PLXNA4: variants seen among roughly 807,000 people sequenced by gnomAD.
The protein encoded by PLXNA4 is plexin A4, also known as plexin-A4.
Under a neutral mutation model 191.8 loss-of-function variants are expected in PLXNA4, and 44 were observed. The ratio of observed to expected loss-of-function variants is 0.23; its 90% CI spans 0.18 to 0.29. The LOEUF is 0.29. PLXNA4 is among the 10% of genes least tolerant of loss of function. The pLI is 1.00. For synonymous variants in PLXNA4, 1,082 were observed against 1,009.5 expected (o/e 1.07, Z -1.36); for missense variants, 1,800 against 2,488.8 (o/e 0.72, Z 5.89).
chr7:132,151,867 C>T (rs1399092), intron 25 of PLXNA4, among the ~76,000 whole-genome samples: 130,846 of 152,056 alleles, frequency 0.86, 56,575 homozygotes, highest in African/African-American at 0.9. Context: ...TTCCCTGGCA[C>T]AGAATAATTC....
intron 1 of PLXNA4, among the ~76,000 whole-genome samples, chr7:132,563,811 CCTCCTT>C: frequency 3.4e-5 from 3 of 88,306 alleles, no homozygotes; most frequent in African/African-American, 7.9e-5. Flanking sequence ...TCCTTCTCCT[CCTCCTT>C]CTCCTCCTCC....
intron 2 of PLXNA4, among the ~76,000 whole-genome samples, chr7:132,592,883 G>A (rs969233117): frequency 1.2e-4 from 18 of 147,922 alleles, no homozygotes; most frequent in East Asian, 2.0e-4. Flanking sequence ...AAAAAAACCC[G>A]AAGACCTTGT....
At chr7:132,176,568 G>A (rs1376962117) in intron 20 of PLXNA4, among the ~76,000 whole-genome samples, 1 of 151,746 alleles carries the variant, frequency 6.6e-6, no homozygotes, top group Non-Finnish European at 1.5e-5. Flanking sequence ...ATGTCAGGGA[G>A]TGTGTGAGTA....
intron 2 of PLXNA4, among the ~76,000 whole-genome samples, chr7:132,626,815 T>G (rs981793438): frequency 6.6e-6 from 1 of 152,160 alleles, no homozygotes. Context: ...TCAAGGTGCA[T>G]GCATCTCAGC....
chr7:132,255,766 A>G (rs10255203), intron 4 of PLXNA4, among the ~76,000 whole-genome samples: 32,012 of 152,146 alleles, frequency 0.21, 3,579 homozygotes, highest in Non-Finnish European at 0.23. Context: ...GAACTTTCCA[A>G]CCAGTTCCCT....
intron 3 of PLXNA4, among the ~76,000 whole-genome samples, chr7:132,463,688 C>T (rs950728089): frequency 6.6e-6 from 1 of 152,198 alleles, no homozygotes; most frequent in African/African-American, 2.4e-5. Context: ...TTCCCTCTGG[C>T]TTACGGGGAC....
chr7:132,161,159 C>A (rs1432614392), intron 24 of PLXNA4, among the ~76,000 whole-genome samples: 1 of 152,210 alleles, frequency 6.6e-6, no homozygotes, highest in Non-Finnish European at 1.5e-5. Flanking sequence ...CCTGGTGGGG[C>A]AGCTCAGCCT....
rs770940374 is a variant in PLXNA4, at chr7:132,210,914, T to G, written c.2298+29A>C. On this transcript the variant is annotated intron_variant, in intron 10 of 31. Coordinates refer to ENST00000321063, the MANE Select transcript of PLXNA4 (RefSeq NM_020911.2). ...GATGTGGGTGGGACTGGGGCCTGGTTTGGCAGTGGGCAGGGTTGGGCGACT... is the reference window on the plus strand; with the variant it reads ...GATGTGGGTGGGACTGGGGCCTGGTGTGGCAGTGGGCAGGGTTGGGCGACT... 1.5e-5 allele frequency: 24 copies of G among 1,601,086 alleles called. No homozygotes were observed. In the East Asian group the frequency reaches 1.8e-4, roughly 12 times the overall value.
At chr7:132,319,601 G>A (rs1296115072) in intron 3 of PLXNA4, among the ~76,000 whole-genome samples, 3 of 152,166 alleles carry the variant, frequency 2.0e-5, no homozygotes. Context: ...CATTGCCGCT[G>A]CACTCCTCTA....
chr7:132,295,529 G>A (rs1801043881), intron 4 of PLXNA4, among the ~76,000 whole-genome samples: 1 of 152,134 alleles, frequency 6.6e-6, no homozygotes, highest in Admixed American at 6.5e-5. Flanking sequence ...AAGGAGGCTG[G>A]AATTAGTCTT....
chr7:132,336,836 T>C (rs1802837780), intron 3 of PLXNA4, among the ~76,000 whole-genome samples: 1 of 152,246 alleles, frequency 6.6e-6, no homozygotes, highest in African/African-American at 2.4e-5. Context: ...TTGACCAAAA[T>C]ACACACTCCA....
chr7:132,281,101 A>G (rs1288241093), intron 4 of PLXNA4, among the ~76,000 whole-genome samples: 1 of 152,196 alleles, frequency 6.6e-6, no homozygotes, highest in East Asian at 1.9e-4. Context: ...AATTATTATA[A>G]TGGTAAGAGT....
intron 1 of PLXNA4, among the ~76,000 whole-genome samples, chr7:132,539,403 C>A (rs1357298120): frequency 6.6e-6 from 1 of 152,156 alleles, no homozygotes; most frequent in Non-Finnish European, 1.5e-5. Context: ...GCAATTGGTC[C>A]CCAGAGCAGC....
chr7:132,309,662 C>T (rs762407399), intron 3 of PLXNA4, among the ~76,000 whole-genome samples: 13 of 152,138 alleles, frequency 8.5e-5, no homozygotes, highest in Non-Finnish European at 1.2e-4. Context: ...ATCTGGCCTC[C>T]TCTGGAGTGG....
chr7:132,386,005 G>A (rs757044459), intron 3 of PLXNA4, among the ~76,000 whole-genome samples: 1 of 152,132 alleles, frequency 6.6e-6, no homozygotes, highest in African/African-American at 2.4e-5. Context: ...CCTTTTCTCT[G>A]TGATTTTTAA....
Position 132,133,096 on chromosome 7 carries a change from T to G in PLXNA4, c.5542A>C (p.Ser1848Arg). The stretch of plus-strand genomic sequence containing the variant: ...TAGGAGAAGATCTCTGAGAGTGCAC[T>G]CATGGTGTTGAACTCATTCATGTGC... Reference protein sequence around the residue: ...RMHMNEFNTMSALSEIFSYVG... With the variant: ...RMHMNEFNTMRALSEIFSYVG... Residue 1848 changes from serine to arginine, a missense_variant, in exon 31 of 32, where the codon AGT becomes CGT. By Grantham distance (110) the Ser-to-Arg change is moderately radical. Coordinates refer to ENST00000321063, the MANE Select transcript of PLXNA4 (RefSeq NM_020911.2). 1 of 1,614,208 alleles carries G rather than the reference T, an allele frequency of 6.2e-7. No homozygotes were observed. The highest frequency in any genetic ancestry group is 2.2e-5 in the East Asian group (1 of 44,874).
At chr7:132,145,451 ATCTGTC>A in intron 28 of PLXNA4, 163 bp from the exon 29 acceptor site, 2 of 934,770 alleles carry the variant, frequency 2.1e-6, no homozygotes, top group African/African-American at 1.7e-5. Flanking sequence ...TTCCCATTTC[ATCTGTC>A]TCTAACAGCT....
At chr7:132,460,150 T>A (rs1345882689) in intron 3 of PLXNA4, among the ~76,000 whole-genome samples, 2 of 152,046 alleles carry the variant, frequency 1.3e-5, no homozygotes, top group Non-Finnish European at 2.9e-5. Context: ...GCCCAGGAGT[T>A]TGAGACCAGC....
intron 3 of PLXNA4, among the ~76,000 whole-genome samples, chr7:132,401,071 G>T (rs186347686): frequency 6.6e-6 from 1 of 152,252 alleles, no homozygotes; most frequent in Non-Finnish European, 1.5e-5. Flanking sequence ...GAGACCTTTG[G>T]CTGGCACATA....
Sources: allele counts gnomAD v4.1 joint callset (sites outside exome capture counted in the v4.1 genomes callset), GRCh38; gene constraint gnomAD v4.1.1; transcripts MANE v1.5; gene names NCBI Gene and HGNC (gene_info 2026-07-23, HGNC 2026-07-21).